RALGAPB: variants seen among roughly 807,000 people sequenced by gnomAD.
The protein encoded by RALGAPB is Ral GTPase activating protein non-catalytic subunit beta, also known as ral GTPase-activating protein subunit beta.
In RALGAPB, 25 loss-of-function variants were observed where a neutral mutation model predicts 161.1. The ratio of observed to expected loss-of-function variants is 0.16; its 90% CI spans 0.11 to 0.22. The LOEUF (loss-of-function observed/expected upper bound fraction) is 0.22, where lower values mean the gene tolerates loss of function less well. Among genes scored for constraint, RALGAPB ranks in the 10% least tolerant of loss-of-function variants. The probability of loss-of-function intolerance (pLI) is 1.00; values close to 1 mark genes in which losing one functional copy is unlikely to be tolerated. For missense variants in RALGAPB, 1,391 were observed against 1,815.2 expected (o/e 0.77, Z 4.25); for synonymous variants, 629 against 626.1 (o/e 1.00, Z -0.07).
intron 2 of RALGAPB, among the ~76,000 whole-genome samples, chr20:38,490,473 G>T (rs989544863): frequency 6.6e-6 from 1 of 151,512 alleles, no homozygotes; most frequent in Non-Finnish European, 1.5e-5. Context: ...CTCCCAAAGT[G>T]CTGGTATTAC....
intron 5 of RALGAPB, among the ~76,000 whole-genome samples, chr20:38,502,916 A>G (rs995636733): frequency 6.6e-6 from 1 of 151,868 alleles, no homozygotes. Context: ...CTTTTTTATG[A>G]TTTTTTTTAA....
At chr20:38,496,394 A>G (rs1197759764) in intron 3 of RALGAPB, among the ~76,000 whole-genome samples, 3 of 152,152 alleles carry the variant, frequency 2.0e-5, no homozygotes, top group Non-Finnish European at 4.4e-5. Flanking sequence ...GTATGTTTCT[A>G]TCAGTTCTTT....
chr20:38,498,055 G>A (rs1035225053), intron 4 of RALGAPB, among the ~76,000 whole-genome samples: 1 of 128,582 alleles, frequency 7.8e-6, no homozygotes, highest in African/African-American at 2.9e-5. Context: ...GGCGACAAGA[G>A]CAAGACTCTG....
Position 38,567,159 on chromosome 20 carries a change from G to C in RALGAPB, c.3881G>C (p.Gly1294Ala). 1 of 1,613,676 alleles carries C rather than the reference G, an allele frequency of 6.2e-7. No individual in the cohort carries two copies. Among genetic ancestry groups the C allele is most frequent in the Non-Finnish European group, 8.5e-7 (1 of 1,179,726 alleles). ...DSDSNMDLMP[G>A]ILKQPSLTLE... ...GATTCAAATATGGATCTTATGCCAG[G>C]AATTCTGAAACAGCCATCCCTGACA... The change falls in exon 26 of 30, where the codon GGA becomes GCA. Residue 1294 changes from glycine to alanine, a missense_variant. By Grantham distance (60) the Gly-to-Ala change is moderately conservative (BLOSUM62 0). Coordinates refer to ENST00000262879, the MANE Select transcript of RALGAPB (RefSeq NM_020336.4).
intron 5 of RALGAPB, among the ~76,000 whole-genome samples, chr20:38,504,075 AC>A (rs2085677011): frequency 1.3e-5 from 2 of 152,192 alleles, no homozygotes. Context: ...CTAGGAAAAA[AC>A]CTATTCTAAA....
intron 5 of RALGAPB, among the ~76,000 whole-genome samples, chr20:38,504,183 T>C (rs1343261607): frequency 6.6e-6 from 1 of 152,170 alleles, no homozygotes; most frequent in Non-Finnish European, 1.5e-5. Context: ...CTTGAAACTA[T>C]ACTAGAGGGC....
chr20:38,549,638 G>T (rs1235273120), intron 20 of RALGAPB, among the ~76,000 whole-genome samples: 2 of 151,274 alleles, frequency 1.3e-5, no homozygotes, highest in Admixed American at 6.6e-5. Context: ...AAATCTTTTG[G>T]GGTGCAGTTT....
chr20:38,481,123 A>G (rs1173861063), intron 1 of RALGAPB, among the ~76,000 whole-genome samples: 1 of 152,056 alleles, frequency 6.6e-6, no homozygotes, highest in African/African-American at 2.4e-5. Context: ...CACAATTCGT[A>G]TGCTCTGTAT....
intron 25 of RALGAPB, among the ~76,000 whole-genome samples, chr20:38,565,682 A>C (rs926655074): frequency 6.6e-6 from 1 of 152,202 alleles, no homozygotes; most frequent in South Asian, 2.1e-4. Context: ...TGACCCTCTA[A>C]TAATCTTTAA....
chr20:38,487,190 A>G (rs1443607659), intron 1 of RALGAPB, among the ~76,000 whole-genome samples: 1 of 152,194 alleles, frequency 6.6e-6, no homozygotes, highest in African/African-American at 2.4e-5. Flanking sequence ...TTAGGGTAAG[A>G]AAGGATTTGC....
chr20:38,572,792 A>G (rs1449409390), intron 28 of RALGAPB, among the ~76,000 whole-genome samples: 3 of 152,234 alleles, frequency 2.0e-5, no homozygotes, highest in Non-Finnish European at 4.4e-5. Flanking sequence ...AGATAGCTAA[A>G]CAACATCGCA....
At chr20:38,553,791 A>AAC (rs2087472266) in intron 21 of RALGAPB, 76 bp from the exon 22 acceptor site, 11 of 831,688 alleles carry the variant, frequency 1.3e-5, no homozygotes, top group East Asian at 6.2e-5. Flanking sequence ...AAAAAAAAAA[A>AAC]AAAAAAAAAA....
rs2088394201 is a variant in RALGAPB at position 38,575,224 on chromosome 20, T to C, written c.*257T>C. The C allele has an allele frequency of 5.3e-6, 2 of 380,208 alleles. No individual in the cohort carries two copies. The highest frequency in any genetic ancestry group is 9.4e-6 in the Non-Finnish European group (2 of 211,722). The allele number at this position is 380,208 out of a possible 1,614,324, so 23.6% of individuals were successfully genotyped here. ...TTAGCCATAAACTTTCTTTTAAAAGTGACAATTTTAGTTAAACATAAGCCT... is the reference window on the plus strand; with the variant it reads ...TTAGCCATAAACTTTCTTTTAAAAGCGACAATTTTAGTTAAACATAAGCCT... On this transcript the variant is annotated 3_prime_UTR_variant, in exon 30 of 30. Transcript: ENST00000262879.
intron 23 of RALGAPB, among the ~76,000 whole-genome samples, chr20:38,560,162 C>T (rs555516072): frequency 4.7e-4 from 72 of 151,896 alleles, no homozygotes; most frequent in African/African-American, 1.6e-3. Context: ...TGTTAGGTAC[C>T]AGGGTTATAG....
intron 9 of RALGAPB, 39 bp downstream of exon 9, chr20:38,518,039 T>G (rs748649322): frequency 6.5e-7 from 1 of 1,547,710 alleles, no homozygotes; most frequent in South Asian, 1.1e-5. Flanking sequence ...ATTATTTTCC[T>G]TTTCCTTTTT....
chr20:38,478,997 C>T (rs536936622), intron 1 of RALGAPB, among the ~76,000 whole-genome samples: 16 of 152,082 alleles, frequency 1.1e-4, no homozygotes, highest in Non-Finnish European at 1.6e-4. Flanking sequence ...GTGATCCACC[C>T]GCCTCGGCCT....
Position 38,516,355 on chromosome 20 carries a change from G to A in RALGAPB, c.1036G>A (p.Val346Met). The change falls in exon 7 of 30, where the codon GTG (valine) becomes ATG (methionine). Residue 346 changes from valine (V) to methionine (M), a missense_variant. Transcript: ENST00000262879. ...FRAMRGISCL[V>M]DAFLGISRPR... ...TGCCATGCGTGGAATCAGCTGTCTG[G>A]TGGATGCATTCTTAGGTGAATTTTG... 6.2e-7 allele frequency: 1 copy of A among 1,613,730 alleles called. No individual in the cohort carries two copies. Among genetic ancestry groups the A allele is most frequent in the South Asian group, 1.1e-5 (1 of 90,918 alleles).
intron 13 of RALGAPB, among the ~76,000 whole-genome samples, chr20:38,530,383 G>A (rs892313758): frequency 9.2e-5 from 14 of 151,998 alleles, no homozygotes; most frequent in African/African-American, 3.1e-4. Context: ...GTCTGTAAGT[G>A]TTTGTGTACG....
intron 3 of RALGAPB, 46 bp downstream of exon 3, chr20:38,493,178 A>C: frequency 6.9e-7 from 1 of 1,459,216 alleles, no homozygotes; most frequent in East Asian, 2.3e-5. Flanking sequence ...GTCATAGTAA[A>C]ATATTCATAA....
Sources: allele counts gnomAD v4.1 joint callset (sites outside exome capture counted in the v4.1 genomes callset), GRCh38; gene constraint gnomAD v4.1.1; transcripts MANE v1.5; gene names NCBI Gene and HGNC (gene_info 2026-07-23, HGNC 2026-07-21).